ACOT12: variants seen among roughly 807,000 people sequenced by gnomAD.
ACOT12 encodes acyl-CoA thioesterase 12.
A neutral mutation model predicts 67.7 loss-of-function variants in ACOT12; 51 were observed. The ratio of observed to expected loss-of-function variants is 0.75; its 90% confidence interval spans 0.60 to 0.95. The LOEUF (loss-of-function observed/expected upper bound fraction) is 0.95. Ranked by LOEUF, ACOT12 falls within the 40% of genes least tolerant of loss-of-function variation. The probability of loss-of-function intolerance (pLI) is 0.00; values close to 1 mark genes in which losing one functional copy is unlikely to be tolerated. For missense variants in ACOT12, 734 were observed against 708.1 expected, an observed-to-expected ratio of 1.04 and a Z score of -0.41; for synonymous variants, 251 against 244.6, an observed-to-expected ratio of 1.03 and a Z score of -0.24.
At chr5:81,311,296 T>G in the ACOT12 span, 1 of 1,613,178 alleles carries the variant, frequency 6.2e-7, no homozygotes, top group Non-Finnish European at 8.5e-7. Flanking sequence ...TCTCTGGGCC[T>G]CTACTTAGAA....
intron 5 of ACOT12, 94 bp downstream of exon 5, chr5:81,359,809 G>T: frequency 7.4e-7 from 1 of 1,352,418 alleles, no homozygotes; most frequent in Non-Finnish European, 1.0e-6. Context: ...GGACTGAATG[G>T]TAATAATAAG....
rs200358101 is a variant in ACOT12, at chr5:81,344,992, C to G, written c.823G>C (p.Glu275Gln). 12 of 1,614,082 alleles carry G rather than the reference C, an allele frequency of 7.4e-6. No homozygotes were observed. The Admixed American group carries it at 1.3e-4, about 18-fold the overall frequency. Reference protein sequence around the residue: ...VEAFDCQEWAEGRGRHINSAF... With the variant: ...VEAFDCQEWAQGRGRHINSAF... ...CTGTTGATGTGACGCCCTCGGCCCT[C>G]GGCCCATTCCTGACAGTCAAAGGCC... is the stretch of plus-strand genomic sequence containing the variant. Residue 275 changes from glutamate to glutamine, a missense_variant, in exon 8 of 15, where the codon GAG becomes CAG. By Grantham distance (29) the Glu-to-Gln change is conservative. Coordinates refer to ENST00000307624, the MANE Select transcript of ACOT12 (RefSeq NM_130767.3).
At chr5:81,333,871 C>T (rs1187900300) in intron 12 of ACOT12, among the ~76,000 whole-genome samples, 2 of 152,234 alleles carry the variant, frequency 1.3e-5, no homozygotes, top group Non-Finnish European at 2.9e-5. Context: ...ACAGGCATTT[C>T]TGTTTTCACA....
At chr5:81,365,223 A>G (rs1375981599) in intron 3 of ACOT12, among the ~76,000 whole-genome samples, 2 of 152,222 alleles carry the variant, frequency 1.3e-5, no homozygotes, top group Non-Finnish European at 1.5e-5. Context: ...ACAGCTCAGC[A>G]CTATGTTATC....
At chr5:81,391,118 C>T (rs1760853127) in intron 1 of ACOT12, among the ~76,000 whole-genome samples, 1 of 152,196 alleles carries the variant, frequency 6.6e-6, no homozygotes, top group African/African-American at 2.4e-5. Flanking sequence ...TTCTTTTGGC[C>T]TCAACCAGGA....
chr5:81,381,227 C>A (rs558266469), intron 2 of ACOT12, among the ~76,000 whole-genome samples: 5 of 152,172 alleles, frequency 3.3e-5, no homozygotes, highest in African/African-American at 1.2e-4. Context: ...CCACCACACC[C>A]AGCTAATTTT....
intron 3 of ACOT12, among the ~76,000 whole-genome samples, chr5:81,365,712 T>C (rs1760056863): frequency 6.6e-6 from 1 of 152,014 alleles, no homozygotes; most frequent in Non-Finnish European, 1.5e-5. Context: ...CCTACGAAAA[T>C]AGGCAACACA....
intron 1 of ACOT12, among the ~76,000 whole-genome samples, chr5:81,387,756 G>GTTTGGGA (rs1391206095): frequency 6.6e-6 from 1 of 152,046 alleles, no homozygotes; most frequent in African/African-American, 2.4e-5. Context: ...TTTTGCCCAA[G>GTTTGGGA]CTGGTCCCAA....
chr5:81,330,891 G>A lies in ACOT12; in HGVS notation c.1441C>T (p.Pro481Ser), dbSNP rs767120910. The A allele has an allele frequency of 6.2e-7, 1 of 1,613,254 alleles. No individual in the cohort carries two copies. Residue 481 changes from proline to serine, a missense_variant, in exon 14 of 15, where the codon CCG (proline) becomes TCG (serine). Transcript: ENST00000307624. ...VKSVILPSVP[P>S]SPQYIRSEII... is the part of the protein sequence containing the mutation. ...TCACTTCTGATGTACTGTGGAGACG[G>A]GGGGACCGATGGCAAAATGACCGAC...
At chr5:81,370,016 C>T (rs2059894) in intron 3 of ACOT12, among the ~76,000 whole-genome samples, 45,750 of 152,076 alleles carry the variant, frequency 0.3, 7,296 homozygotes, top group African/African-American at 0.39. Context: ...CAGTAGCTCA[C>T]GCCTGTGATC....
intron 6 of ACOT12, 112 bp from the exon 7 acceptor site, chr5:81,346,116 T>A: frequency 6.8e-7 from 1 of 1,477,286 alleles, no homozygotes; most frequent in Non-Finnish European, 9.0e-7. Context: ...CTGAAATAAA[T>A]AACTGGATTA....
rs1759435734 is a variant in ACOT12 at position 81,348,016 on chromosome 5, A to G, written c.497-86T>C. On this transcript the variant is annotated intron_variant, in intron 5 of 14. Transcript: ENST00000307624. ...CTTTTCCTTCCCGGCAGTACATTCA[A>G]CTCGGATTTATAGAAAAATTAAAGT... 4 of 1,415,868 alleles carry G rather than the reference A, an allele frequency of 2.8e-6. No individual in the cohort carries two copies. The East Asian group carries it at 7.0e-5, about 25-fold the overall frequency. The allele number at this position is 1,415,868 out of a possible 1,614,324, so 87.7% of individuals were successfully genotyped here.
intron 5 of ACOT12, among the ~76,000 whole-genome samples, chr5:81,353,639 G>T (rs1237410684): frequency 6.6e-6 from 1 of 152,140 alleles, no homozygotes. Context: ...TATATGTCAA[G>T]CTTGCAAATA....
chr5:81,376,755 C>T (rs1373469535), intron 2 of ACOT12, among the ~76,000 whole-genome samples: 1 of 152,120 alleles, frequency 6.6e-6, no homozygotes, highest in African/African-American at 2.4e-5. Flanking sequence ...TGGATAAATT[C>T]CTGGACACAT....
At chr5:81,310,157 TAAAA>T in the ACOT12 span, among the ~76,000 whole-genome samples, 49 of 104,742 alleles carry the variant, frequency 4.7e-4, no homozygotes, top group African/African-American at 7.7e-4. Context: ...TGACTAGCTG[TAAAA>T]AAAAAAAAAA....
At chr5:81,391,548 A>G (rs1760865579) in intron 1 of ACOT12, among the ~76,000 whole-genome samples, 1 of 152,244 alleles carries the variant, frequency 6.6e-6, no homozygotes. Flanking sequence ...AGTAGGAAGC[A>G]CTTGAACATC....
rs565607131 is a variant in ACOT12 at position 81,370,182 on chromosome 5, G to A, written c.258+1568C>T. Among the ~76,000 whole-genome samples, 59 of 152,248 alleles carry A rather than the reference G, an allele frequency of 3.9e-4. 1 individual carries two copies. In the South Asian group the frequency reaches 0.012, roughly 31 times the overall value. On this transcript the variant is annotated intron_variant, in intron 3 of 14. Coordinates refer to ENST00000307624, the MANE Select transcript of ACOT12 (RefSeq NM_130767.3). ...CCAGCTACTCGGGAGGCTGAGGCAG[G>A]AGAATCACTTGAACCCAGGAGGCGG...
chr5:81,345,441 T>C (rs1378514057), intron 7 of ACOT12, among the ~76,000 whole-genome samples: 5 of 152,180 alleles, frequency 3.3e-5, no homozygotes, highest in Non-Finnish European at 7.3e-5. Flanking sequence ...AACACAGATA[T>C]TCATTTTTAC....
At chr5:81,318,540 T>A in the ACOT12 span, among the ~76,000 whole-genome samples, 1 of 152,184 alleles carries the variant, frequency 6.6e-6, no homozygotes, top group Non-Finnish European at 1.5e-5. Flanking sequence ...TATATTTTCA[T>A]ATGAATCTCA....
Sources: allele counts gnomAD v4.1 joint callset (sites outside exome capture counted in the v4.1 genomes callset), GRCh38; gene constraint gnomAD v4.1.1; transcripts MANE v1.5; gene names NCBI Gene and HGNC (gene_info 2026-07-23, HGNC 2026-07-21).